Variants in C8orf88 observed in about 807,000 individuals in gnomAD.
C8orf88 encodes the protein chromosome 8 open reading frame 88.
Under a neutral mutation model 18.4 loss-of-function variants are expected in C8orf88, and 14 were observed. The observed-to-expected ratio is 0.76, with a 90% confidence interval of 0.50 to 1.19. The LOEUF (loss-of-function observed/expected upper bound fraction) is 1.19, where lower values mean the gene tolerates loss of function less well. Ranked by LOEUF, C8orf88 falls within the 50% of genes most tolerant of loss-of-function variation. The pLI is 0.00. For synonymous variants in C8orf88, 45 were observed against 42.9 expected, an observed-to-expected ratio of 1.05 and a Z score of -0.19; for missense variants, 116 against 134.7, an observed-to-expected ratio of 0.86 and a Z score of 0.69.
intron 2 of C8orf88, among the ~76,000 whole-genome samples, chr8:90,979,647 G>C (rs1429862466): frequency 1.3e-5 from 2 of 152,120 alleles, no homozygotes; most frequent in African/African-American, 4.8e-5. Flanking sequence ...TTTATAAGTA[G>C]TAATTCAGCT....
At chr8:90,960,321 C>T (rs1811107215) in intron 5 of C8orf88, among the ~76,000 whole-genome samples, 1 of 151,284 alleles carries the variant, frequency 6.6e-6, no homozygotes, top group African/African-American at 2.4e-5. Flanking sequence ...ATTAACAGAC[C>T]ATGCATACAT....
At position 90,978,890 on chromosome 8, in the gene C8orf88, G is replaced by A. The variant is rs187778059; in HGVS notation, c.74-238C>T. On this transcript the variant is annotated intron_variant, in intron 2 of 5. Coordinates refer to ENST00000517562, the MANE Select transcript of C8orf88 (RefSeq NM_001190972.2). ...GTTCACAGTGTATTTTAAAAGACAAGTTCATACATAATGATTATAATACAA... is the reference window on the plus strand; with the variant it reads ...GTTCACAGTGTATTTTAAAAGACAAATTCATACATAATGATTATAATACAA... Among the ~76,000 whole-genome samples the A allele has an allele frequency of 4.4e-3, 665 of 152,242 alleles. 5 individuals are homozygous for A. The highest frequency in any genetic ancestry group is 0.015 in the African/African-American group (611 of 41,544).
At position 90,958,930 on chromosome 8, in the gene C8orf88, C is replaced by T; in HGVS notation, c.*77G>A. 2.5e-6 allele frequency: 2 copies of T among 791,552 alleles called. No individual in the cohort carries two copies. Among genetic ancestry groups the T allele is most frequent in the Non-Finnish European group, 3.9e-6 (2 of 516,892 alleles). 49.0% of individuals were successfully genotyped at this position (791,552 alleles called of 1,614,324 possible). A position where few individuals can be genotyped will look rare whatever the true frequency, so the allele number is the denominator to read the frequency against. ...AAATTAAGAATAAATTGAATTGTCA[C>T]AGTCCATTACAGTTATTGTTGCTAG... On this transcript the variant is annotated 3_prime_UTR_variant, in exon 6 of 6. Coordinates refer to ENST00000517562, the MANE Select transcript of C8orf88 (RefSeq NM_001190972.2).
In C8orf88 at chr8:90,978,634, T is replaced by C. The variant is rs976586996; in HGVS notation, c.92A>G (p.Asn31Ser). The change falls in exon 3 of 6, where the codon AAC (asparagine) becomes AGC (serine). Residue 31 changes from asparagine (N) to serine (S), a missense_variant. Transcript: ENST00000517562. ...TSPPGAVFPFNFQNEYPCNTQ... is the reference protein window; with the variant it reads ...TSPPGAVFPFSFQNEYPCNTQ... Reference sequence around the variant, plus strand: ...GTTGCATGGATATTCGTTTTGAAAGTTGAAAGGGAACACTGCTCCTGTTAG... The same window carrying C: ...GTTGCATGGATATTCGTTTTGAAAGCTGAAAGGGAACACTGCTCCTGTTAG... The C allele has an allele frequency of 1.0e-5, 16 of 1,528,238 alleles. No individual in the cohort carries two copies. Among genetic ancestry groups the C allele is most frequent in the Non-Finnish European group, 1.3e-5 (15 of 1,142,488 alleles). 94.7% of individuals were successfully genotyped at this position (1,528,238 alleles called of 1,614,324 possible).
intron 3 of C8orf88, among the ~76,000 whole-genome samples, chr8:90,973,692 C>T (rs552538625): frequency 1.3e-4 from 20 of 152,182 alleles, no homozygotes; most frequent in African/African-American, 4.8e-4. Flanking sequence ...CTACATTGCC[C>T]AGGCTGGTCT....
Position 90,980,420 on chromosome 8 carries a change from A to C in C8orf88, c.16T>G (p.Leu6Val). 6.5e-7 allele frequency: 1 copy of C among 1,531,526 alleles called. No individual in the cohort carries two copies. Among genetic ancestry groups the C allele is most frequent in the Non-Finnish European group, 8.7e-7 (1 of 1,145,366 alleles). The allele number at this position is 1,531,526 out of a possible 1,614,324, so 94.9% of individuals were successfully genotyped here. Residue 6 changes from leucine to valine, a missense_variant, in exon 2 of 6, where the codon TTA becomes GTA. Transcript: ENST00000517562. The stretch of plus-strand genomic sequence containing the variant: ...GCTGGTTGAAGCGGTTTACCAATTA[A>C]TTTTTTGGTTTCCATTGTCACAAAG... Reference protein sequence around the residue: METKKLIGKPLQPARP... With the variant: METKKVIGKPLQPARP...
intron 1 of C8orf88, among the ~76,000 whole-genome samples, chr8:90,981,373 A>G (rs1372507106): frequency 6.6e-6 from 1 of 152,150 alleles, no homozygotes; most frequent in African/African-American, 2.4e-5. Context: ...TGGACATTCA[A>G]GTGTTTTGTC....
intron 3 of C8orf88, among the ~76,000 whole-genome samples, chr8:90,977,252 G>A (rs1811364069): frequency 6.6e-6 from 1 of 152,120 alleles, no homozygotes; most frequent in South Asian, 2.1e-4. Flanking sequence ...CTCATCCTCT[G>A]TCTCACCCAA....
chr8:90,967,767 C>G (rs1811223235), intron 4 of C8orf88, among the ~76,000 whole-genome samples: 1 of 151,460 alleles, frequency 6.6e-6, no homozygotes, highest in Non-Finnish European at 1.5e-5. Flanking sequence ...TAATGTCCCC[C>G]ATGAAATAAA....
chr8:90,967,683 G>T (rs1298345383), intron 4 of C8orf88, among the ~76,000 whole-genome samples: 1 of 151,354 alleles, frequency 6.6e-6, no homozygotes. Context: ...TTTTATGTAG[G>T]TTATCTAGTT....
At chr8:90,967,248 G>GC (rs756574565) in intron 4 of C8orf88, among the ~76,000 whole-genome samples, 1 of 151,706 alleles carries the variant, frequency 6.6e-6, no homozygotes, top group Non-Finnish European at 1.5e-5. Context: ...ACTCACCCTT[G>GC]CATTCTTGAG....
At chr8:90,982,830 C>T (rs1192769168) in intron 1 of C8orf88, among the ~76,000 whole-genome samples, 1 of 151,972 alleles carries the variant, frequency 6.6e-6, no homozygotes, top group Admixed American at 6.6e-5. Flanking sequence ...TTTGGGATTA[C>T]AATGCATAGT....
At chr8:90,974,573 T>A (rs1811322008) in intron 3 of C8orf88, among the ~76,000 whole-genome samples, 12 of 152,114 alleles carry the variant, frequency 7.9e-5, no homozygotes, top group Admixed American at 7.9e-4. Context: ...CCATGAAAGA[T>A]AAAAATAAGC....
chr8:90,970,134 G>C (rs1811262683), intron 4 of C8orf88, among the ~76,000 whole-genome samples: 1 of 151,934 alleles, frequency 6.6e-6, no homozygotes, highest in South Asian at 2.1e-4. Context: ...TCTTGGCTAA[G>C]CAGTTATATT....
At chr8:90,978,964 A>G (rs1398835082) in intron 2 of C8orf88, among the ~76,000 whole-genome samples, 1 of 152,226 alleles carries the variant, frequency 6.6e-6, no homozygotes, top group Non-Finnish European at 1.5e-5. Flanking sequence ...GTACTAGGGC[A>G]AACGGAATAG....
intron 3 of C8orf88, among the ~76,000 whole-genome samples, chr8:90,977,040 T>C (rs1179565001): frequency 6.6e-6 from 1 of 151,880 alleles, no homozygotes; most frequent in East Asian, 1.9e-4. Context: ...TTTATGCACA[T>C]AAGAAAAATA....
intron 4 of C8orf88, among the ~76,000 whole-genome samples, chr8:90,969,078 C>T (rs1300515020): frequency 6.6e-6 from 1 of 151,660 alleles, no homozygotes; most frequent in African/African-American, 2.4e-5. Flanking sequence ...AAATGTTAAA[C>T]ACACAACTAC....
At chr8:90,973,799 C>T (rs1811313482) in intron 3 of C8orf88, among the ~76,000 whole-genome samples, 1 of 152,020 alleles carries the variant, frequency 6.6e-6, no homozygotes, top group African/African-American at 2.4e-5. Flanking sequence ...TATTCTATAG[C>T]AAGAATGTTC....
intron 4 of C8orf88, among the ~76,000 whole-genome samples, chr8:90,968,042 T>G (rs570803335): frequency 1.3e-5 from 2 of 151,782 alleles, no homozygotes; most frequent in Non-Finnish European, 3.0e-5. Flanking sequence ...AAATTTCTAA[T>G]GGCCTCTTTT....
Sources: allele counts gnomAD v4.1 joint callset (sites outside exome capture counted in the v4.1 genomes callset), GRCh38; gene constraint gnomAD v4.1.1; transcripts MANE v1.5; gene names NCBI Gene and HGNC (gene_info 2026-07-23, HGNC 2026-07-21).